ITGAX: variants seen among roughly 807,000 people sequenced by gnomAD.
ITGAX encodes integrin subunit alpha X, also known as integrin alpha-X.
A neutral mutation model predicts 140.2 loss-of-function variants in ITGAX; 99 were observed. That is an observed-to-expected ratio of 0.71 (90% CI 0.60 to 0.83). The LOEUF (loss-of-function observed/expected upper bound fraction) is 0.83, where lower values mean the gene tolerates loss of function less well. Ranked by LOEUF, ITGAX falls within the 40% of genes least tolerant of loss-of-function variation. The probability of loss-of-function intolerance (pLI) is 0.00; values close to 1 mark genes in which losing one functional copy is unlikely to be tolerated. For missense variants in ITGAX, 1,444 were observed against 1,482.0 expected (o/e 0.97, Z 0.42); for synonymous variants, 631 against 600.4 (o/e 1.05, Z -0.75).
At position 31,361,254 on chromosome 16, in the gene ITGAX, C is replaced by T. The variant is rs115330512; in HGVS notation, c.1012+41C>T. ...GCTCTTCGCTTGGGGAATCCTCAGC[C>T]GTTAACACCTTTCCACTTAGAACCC... On this transcript the variant is annotated intron_variant, in intron 9 of 29. Transcript: ENST00000268296. 9.4e-4 allele frequency: 1,477 copies of T among 1,571,616 alleles called. 13 individuals are homozygous for T. In the African/African-American group the frequency reaches 0.018, roughly 19 times the overall value.
intron 20 of ITGAX, among the ~76,000 whole-genome samples, chr16:31,374,351 C>A (rs1567305940): frequency 6.6e-6 from 1 of 151,996 alleles, no homozygotes; most frequent in Non-Finnish European, 1.5e-5. Flanking sequence ...GTTCAACAAA[C>A]CTCCCCAAAA....
Position 31,382,096 on chromosome 16 carries a change from C to T in ITGAX, c.*189C>T, listed in dbSNP as rs2081074161. 7.0e-7 allele frequency: 1 copy of T among 1,433,012 alleles called. No homozygotes were observed. The highest frequency in any genetic ancestry group is 9.1e-7 in the Non-Finnish European group (1 of 1,099,558). The allele number at this position is 1,433,012 out of a possible 1,614,324, so 88.8% of individuals were successfully genotyped here. On this transcript the variant is annotated 3_prime_UTR_variant, in exon 30 of 30. Transcript: ENST00000268296. Reference sequence around the variant, plus strand: ...GTCTTGTCAAGGTTCCAACTGGAAACCCTTAGGACAGGGTCCCTGCTGTGT... The same window carrying T: ...GTCTTGTCAAGGTTCCAACTGGAAATCCTTAGGACAGGGTCCCTGCTGTGT...
chr16:31,360,867 A>T (rs2080816778), intron 8 of ITGAX, 196 bp from the exon 9 acceptor site: 1 of 580,748 alleles, frequency 1.7e-6, no homozygotes, highest in Non-Finnish European at 3.0e-6. Context: ...TGCCTTAAGG[A>T]TGAAAACTCT....
chr16:31,369,953 A>G (rs1290176612), intron 14 of ITGAX: 1 of 151,770 alleles, frequency 6.6e-6, no homozygotes, highest in Non-Finnish European at 1.5e-5. Flanking sequence ...TGCCCTGCCC[A>G]TTATTATTAC....
Position 31,371,193 on chromosome 16 carries a change from G to A in ITGAX, c.1820G>A (p.Arg607Gln), listed in dbSNP as rs748801860. 117 of 1,609,506 alleles carry A rather than the reference G, an allele frequency of 7.3e-5. 1 individual carries two copies. Among genetic ancestry groups the A allele is most frequent in the Middle Eastern group, 5.0e-4 (3 of 6,020 alleles). ...DGLVDLAVGARGQVLLLRTRP... is the reference protein window; with the variant it reads ...DGLVDLAVGAQGQVLLLRTRP... ...CTGGTGGACCTGGCTGTGGGGGCCC[G>A]GGGCCAGGTGCTCCTGCTCAGGTGA... is the stretch of plus-strand genomic sequence containing the variant. The change falls in exon 15 of 30, where the codon CGG becomes CAG. Residue 607 changes from arginine to glutamine, a missense_variant. Physicochemically the swap from Arg to Gln is conservative, Grantham distance 43. Transcript: ENST00000268296.
chr16:31,370,235 T>C (rs2080941250), intron 14 of ITGAX: 1 of 152,168 alleles, frequency 6.6e-6, no homozygotes, highest in African/African-American at 2.4e-5. Context: ...GGATTACAGG[T>C]GTGAGCCACC....
chr16:31,362,487 G>A, intron 11 of ITGAX, 124 bp from the exon 12 acceptor site: 6 of 1,296,408 alleles, frequency 4.6e-6, no homozygotes, highest in South Asian at 1.5e-5. Context: ...GATGGGGGCT[G>A]CATTGCCCAG....
intron 27 of ITGAX, 23 bp from the exon 28 acceptor site, chr16:31,380,500 G>A: frequency 6.2e-7 from 1 of 1,614,160 alleles, no homozygotes; most frequent in Non-Finnish European, 8.5e-7. Flanking sequence ...CAGTTCAACA[G>A]GTTTCCCCCA....
Position 31,360,059 on chromosome 16 carries a change from A to T in ITGAX, c.701A>T (p.Asn234Ile). 1 of 1,609,924 alleles carries T rather than the reference A, an allele frequency of 6.2e-7. No homozygotes were observed. The highest frequency in any genetic ancestry group is 1.7e-4 in the Middle Eastern group (1 of 5,912). The change falls in exon 7 of 30, where the codon AAT becomes ATT. Residue 234 changes from asparagine (N) to isoleucine (I), a missense_variant. Coordinates refer to ENST00000268296, the MANE Select transcript of ITGAX (RefSeq NM_000887.5). ...GFTYTATAIQ[N>I]VVHRLFHASY... ...ACATACACGGCCACCGCCATCCAAA[A>T]TGTCGTGTGAGTCCTGATTTCTTCC...
At chr16:31,380,474 G>A (rs890168972) in intron 27 of ITGAX, 49 bp from the exon 28 acceptor site, 4 of 1,613,400 alleles carry the variant, frequency 2.5e-6, no homozygotes, top group Non-Finnish European at 3.4e-6. Flanking sequence ...CCAGAGCTCT[G>A]AGCCTCCCCC....
rs1325847725 is a variant in ITGAX at position 31,382,338 on chromosome 16, C to T, written c.*431C>T. On this transcript the variant is annotated 3_prime_UTR_variant, in exon 30 of 30. Transcript: ENST00000268296. ...TCGGCTCACTGCAACCTCCGCCTCC[C>T]GGGTTCAAGTAATTCTGCTGTCTCA... The T allele has an allele frequency of 1.5e-5, 19 of 1,290,294 alleles. No homozygotes were observed. In the South Asian group the frequency reaches 2.0e-4, roughly 13 times the overall value. 79.9% of individuals were successfully genotyped at this position (1,290,294 alleles called of 1,614,324 possible). A position where few individuals can be genotyped will look rare whatever the true frequency, so the allele number is the denominator to read the frequency against.
At position 31,376,912 on chromosome 16, in the gene ITGAX, C is replaced by G; in HGVS notation, c.2622C>G (p.Ala874=). 1.2e-6 allele frequency: 2 copies of G among 1,614,208 alleles called. No homozygotes were observed. The highest frequency in any genetic ancestry group is 4.5e-5 in the East Asian group (2 of 44,888). Residue 874 remains alanine (A), a synonymous_variant, in exon 21 of 30, where the codon GCC becomes GCG. Transcript: ENST00000268296. ...RINHLIFRGG[A]QITFLATFDV... ...ACCACCTCATCTTCCGTGGCGGCGCCCAGGTCAGCCTGGCTTCTGTCCCCT... is the reference window on the plus strand; with the variant it reads ...ACCACCTCATCTTCCGTGGCGGCGCGCAGGTCAGCCTGGCTTCTGTCCCCT...
Position 31,364,088 on chromosome 16 carries a change from G to A in ITGAX, c.1710+714G>A, listed in dbSNP as rs1339622692. 8.5e-5 allele frequency among the ~76,000 whole-genome samples: 13 copies of A among 152,218 alleles called. 1 individual carries two copies. The East Asian group carries it at 2.1e-3, about 25-fold the overall frequency. ...GGAGCAGGGTTCCCTGAGAACGAAG[G>A]GCTGCTTTTCTTGGCAAAAGTCAAG... On this transcript the variant is annotated intron_variant, in intron 14 of 29. Coordinates refer to ENST00000268296, the MANE Select transcript of ITGAX (RefSeq NM_000887.5).
intron 14 of ITGAX, among the ~76,000 whole-genome samples, chr16:31,367,964 G>A (rs538315077): frequency 6.6e-5 from 10 of 152,250 alleles, no homozygotes; most frequent in Non-Finnish European, 1.5e-4. Context: ...ATTAACACGA[G>A]TTCGGGAGAA....
chr16:31,361,906 A>T lies in ITGAX; in HGVS notation c.1083A>T (p.Thr361=). Residue 361 remains threonine (T), a synonymous_variant, in exon 10 of 30, where the codon ACA becomes ACT. Transcript: ENST00000268296. The part of the protein sequence containing the change: ...MAQEGFSAVF[T]PDGPVLGAVG... The stretch of plus-strand genomic sequence containing the variant: ...AGGAGGGCTTCAGCGCTGTGTTCAC[A>T]CCTGTGAGTGGGGCCCCTTAGGCCG... 2.5e-6 allele frequency: 4 copies of T among 1,613,974 alleles called. No homozygotes were observed. Among genetic ancestry groups the T allele is most frequent in the Non-Finnish European group, 3.4e-6 (4 of 1,179,978 alleles).
rs372608623 is a variant in ITGAX at position 31,363,370 on chromosome 16, G to A, written c.1706G>A (p.Ser569Asn). ...VLGPSISPSHSQRIAGSQLSS... is the reference protein window; with the variant it reads ...VLGPSISPSHNQRIAGSQLSS... ...GGACCCAGCATCAGCCCCTCCCACAGCCAGGTGAGGCCGTGTCCCATTTCT... is the reference window on the plus strand; with the variant it reads ...GGACCCAGCATCAGCCCCTCCCACAACCAGGTGAGGCCGTGTCCCATTTCT... The change falls in exon 14 of 30, where the codon AGC becomes AAC. Residue 569 changes from serine to asparagine, a missense_variant. Transcript: ENST00000268296. The A allele has an allele frequency of 6.2e-7, 1 of 1,614,022 alleles. No individual in the cohort carries two copies. The highest frequency in any genetic ancestry group is 8.5e-7 in the Non-Finnish European group (1 of 1,179,924).
At chr16:31,374,612 T>A (rs967252541) in intron 20 of ITGAX, among the ~76,000 whole-genome samples, 31 of 152,156 alleles carry the variant, frequency 2.0e-4, no homozygotes, top group Middle Eastern at 6.8e-3. Context: ...GCTAATTTTT[T>A]AATTTTTTTT....
chr16:31,355,583 G>A (rs1398324898), intron 1 of ITGAX, among the ~76,000 whole-genome samples: 1 of 152,214 alleles, frequency 6.6e-6, no homozygotes, highest in South Asian at 2.1e-4. Flanking sequence ...CTGTGGACAG[G>A]ATGCTTTGGT....
intron 2 of ITGAX, 34 bp downstream of exon 2, chr16:31,356,032 T>C: frequency 6.8e-7 from 1 of 1,480,094 alleles, no homozygotes; most frequent in Non-Finnish European, 9.4e-7. Flanking sequence ...TTTGGCTCCA[T>C]CCATCCTCTC....
Sources: allele counts gnomAD v4.1 joint callset (sites outside exome capture counted in the v4.1 genomes callset), GRCh38; gene constraint gnomAD v4.1.1; transcripts MANE v1.5; gene names NCBI Gene and HGNC (gene_info 2026-07-23, HGNC 2026-07-21).